GRID1: variants seen among roughly 807,000 people sequenced by gnomAD.
The protein encoded by GRID1 is glutamate receptor ionotropic, delta-1.
In GRID1, 28 loss-of-function variants were observed where a neutral mutation model predicts 98.0. The ratio of observed to expected loss-of-function variants is 0.29; its 90% CI spans 0.21 to 0.39. The LOEUF (loss-of-function observed/expected upper bound fraction) is 0.39. Among genes scored for constraint, GRID1 ranks in the 10% least tolerant of loss-of-function variants. The pLI is 1.00. For missense variants in GRID1, 1,111 were observed against 1,340.5 expected, an observed-to-expected ratio of 0.83 and a Z score of 2.67; for synonymous variants, 553 against 538.5, an observed-to-expected ratio of 1.03 and a Z score of -0.37.
intron 12 of GRID1, among the ~76,000 whole-genome samples, chr10:85,677,280 A>G (rs1163599955): frequency 1.3e-5 from 2 of 152,214 alleles, no homozygotes; most frequent in African/African-American, 4.8e-5. Flanking sequence ...GGCTGCTGGC[A>G]GGCCAATAAT....
chr10:86,105,424 T>C (rs372267744), intron 4 of GRID1, among the ~76,000 whole-genome samples: 2 of 152,338 alleles, frequency 1.3e-5, no homozygotes, highest in South Asian at 2.1e-4. Context: ...ATGCCCTGTT[T>C]GATTCTGCAC....
At chr10:86,007,947 C>T (rs1481290612) in intron 4 of GRID1, among the ~76,000 whole-genome samples, 1 of 151,968 alleles carries the variant, frequency 6.6e-6, no homozygotes, top group Non-Finnish European at 1.5e-5. Context: ...ACTCAAAAGA[C>T]CACAAACGTT....
chr10:85,933,351 T>A (rs1589303782), intron 4 of GRID1, among the ~76,000 whole-genome samples: 2 of 150,574 alleles, frequency 1.3e-5, no homozygotes, highest in African/African-American at 4.9e-5. Flanking sequence ...AGGCTTGTTA[T>A]ATAAGTAAAT....
Position 85,916,200 on chromosome 10 carries a change from C to A in GRID1, c.766G>T (p.Val256Phe). ...AGAGCCCTTACCTCATTCACAAAGA[C>A]CCAGTGGCTGTCCTTGGAAGCCAGG... ...TNLASKDSHWVFVNEEISDPE... is the reference protein window; with the variant it reads ...TNLASKDSHWFFVNEEISDPE... Residue 256 changes from valine (V) to phenylalanine (F), a missense_variant, in exon 5 of 16, where the codon GTC (valine) becomes TTC (phenylalanine). Transcript: ENST00000327946. The surrounding 1 kb of genome is among the most constrained non-coding windows in gnomAD (Gnocchi z 4.0). 1 of 1,613,318 alleles carries A rather than the reference C, an allele frequency of 6.2e-7. No homozygotes were observed. Among genetic ancestry groups the A allele is most frequent in the Middle Eastern group, 1.7e-4 (1 of 6,058 alleles).
intron 4 of GRID1, among the ~76,000 whole-genome samples, chr10:86,089,521 C>T (rs990744274): frequency 6.6e-6 from 1 of 152,156 alleles, no homozygotes; most frequent in Admixed American, 6.5e-5. Context: ...TTCCAGGTTT[C>T]AAATGAAGAT....
Position 86,189,228 on chromosome 10 carries a change from C to A in GRID1, c.520+17136G>T, listed in dbSNP as rs145070923. Among the ~76,000 whole-genome samples, 63 of 152,242 alleles carry A rather than the reference C, an allele frequency of 4.1e-4. No homozygotes were observed. In the East Asian group the frequency reaches 0.011, roughly 27 times the overall value. On this transcript the variant is annotated intron_variant, in intron 3 of 15. Transcript: ENST00000327946. ...TCATTCCTTTCAACTCTCTCGTGTTCTTTGGTATGATGGAACCCCTGGCCT... is the reference window on the plus strand; with the variant it reads ...TCATTCCTTTCAACTCTCTCGTGTTATTTGGTATGATGGAACCCCTGGCCT...
intron 8 of GRID1, among the ~76,000 whole-genome samples, chr10:85,826,229 G>A (rs1219572297): frequency 6.6e-6 from 1 of 152,158 alleles, no homozygotes; most frequent in African/African-American, 2.4e-5. Flanking sequence ...CAGCTACTCG[G>A]GAGGCTAAGG....
intron 14 of GRID1, 140 bp downstream of exon 14, chr10:85,619,727 C>G (rs2132521442): frequency 1.5e-6 from 1 of 655,990 alleles, no homozygotes; most frequent in Non-Finnish European, 2.6e-6. Context: ...GAGGAGGAAG[C>G]AGTGGGACAT....
chr10:85,858,793 A>C (rs1283182076), intron 6 of GRID1, among the ~76,000 whole-genome samples: 1 of 152,136 alleles, frequency 6.6e-6, no homozygotes, highest in Non-Finnish European at 1.5e-5. Flanking sequence ...ACCCATCCAC[A>C]CACTCACACA....
intron 4 of GRID1, among the ~76,000 whole-genome samples, chr10:86,001,697 G>A (rs143722550): frequency 6.6e-6 from 1 of 152,312 alleles, no homozygotes; most frequent in African/African-American, 2.4e-5. Context: ...AGTTTCCCTA[G>A]CATTTGTGGG....
At chr10:85,989,010 C>T (rs546032170) in intron 4 of GRID1, among the ~76,000 whole-genome samples, 13 of 152,096 alleles carry the variant, frequency 8.5e-5, no homozygotes, top group East Asian at 5.8e-4. Flanking sequence ...GCTTTTTGTG[C>T]GGTTTGTGAG....
rs956516406 is a variant in GRID1, at chr10:86,099,196, C to A, written c.726+39623G>T. On this transcript the variant is annotated intron_variant, in intron 4 of 15. Coordinates refer to ENST00000327946, the MANE Select transcript of GRID1 (RefSeq NM_017551.3). ...TGGTTCTGAGTCCACATCTATAACC[C>A]AGCTCTGCCATCCCCAGGGATAACA... 2.6e-5 allele frequency among the ~76,000 whole-genome samples: 4 copies of A among 152,206 alleles called. No homozygotes were observed. The South Asian group carries it at 6.2e-4, about 24-fold the overall frequency.
intron 15 of GRID1, chr10:85,605,493 G>T (rs1842647490): frequency 6.6e-6 from 1 of 152,194 alleles, no homozygotes; most frequent in Non-Finnish European, 1.5e-5. Flanking sequence ...ACCATTGGAA[G>T]AACTAGTTAG....
intron 5 of GRID1, among the ~76,000 whole-genome samples, chr10:85,913,418 C>T (rs987616667): frequency 6.6e-6 from 1 of 152,202 alleles, no homozygotes; most frequent in Non-Finnish European, 1.5e-5. Flanking sequence ...TAATGACAAC[C>T]GCCACACAGG....
At chr10:85,735,420 A>G (rs1296593949) in intron 8 of GRID1, among the ~76,000 whole-genome samples, 1 of 152,170 alleles carries the variant, frequency 6.6e-6, no homozygotes, top group Non-Finnish European at 1.5e-5. Flanking sequence ...TATGACAAAC[A>G]ACTGTGCAAG....
In GRID1 at chr10:85,829,505, T is replaced by C. The variant is rs144844172; in HGVS notation, c.1233+24991A>G. Reference sequence around the variant, plus strand: ...CATCCCAATAGCAAGAGATTGGAAGTCAAACTATCTCTGTTTGTGGATGAT... The same window carrying C: ...CATCCCAATAGCAAGAGATTGGAAGCCAAACTATCTCTGTTTGTGGATGAT... On this transcript the variant is annotated intron_variant, in intron 8 of 15. Transcript: ENST00000327946. 7.9e-5 allele frequency among the ~76,000 whole-genome samples: 12 copies of C among 152,230 alleles called. No individual in the cohort carries two copies. In the East Asian group the frequency reaches 2.3e-3, roughly 29 times the overall value.
At chr10:85,632,691 G>C (rs1411348108) in intron 13 of GRID1, among the ~76,000 whole-genome samples, 2 of 152,132 alleles carry the variant, frequency 1.3e-5, no homozygotes, top group African/African-American at 4.8e-5. Flanking sequence ...CTACAGACAT[G>C]TGCCACCACA....
chr10:86,145,164 A>C (rs1845067349), intron 3 of GRID1, among the ~76,000 whole-genome samples: 2 of 152,226 alleles, frequency 1.3e-5, no homozygotes, highest in Admixed American at 6.5e-5. Context: ...TCTTCTAGAG[A>C]CTTCATTATT....
At position 85,844,806 on chromosome 10, in the gene GRID1, A is replaced by T. The variant is rs73334791; in HGVS notation, c.1233+9690T>A. Among the ~76,000 whole-genome samples, 864 of 152,212 alleles carry T rather than the reference A, an allele frequency of 5.7e-3. 7 individuals carry two copies. The highest frequency in any genetic ancestry group is 0.02 in the African/African-American group (812 of 41,552). On this transcript the variant is annotated intron_variant, in intron 8 of 15. Transcript: ENST00000327946. ...CACCAACAAAAAGGAATACATCAAC[A>T]TAATTTATCATATTAACAGGAAAGA...
Sources: allele counts gnomAD v4.1 joint callset (sites outside exome capture counted in the v4.1 genomes callset), GRCh38; gene constraint gnomAD v4.1.1; non-coding constraint Gnocchi (gnomAD v3.1); transcripts MANE v1.5; gene names NCBI Gene and HGNC (gene_info 2026-07-23, HGNC 2026-07-21).